The following COL25A1 variants were observed in gnomAD, a reference collection of about 807,000 sequenced individuals.
COL25A1 encodes the protein collagen alpha-1(XXV) chain.
Under a neutral mutation model 128.4 loss-of-function variants are expected in COL25A1, and 103 were observed. The observed-to-expected ratio is 0.80, with a 90% CI of 0.68 to 0.94. The LOEUF (loss-of-function observed/expected upper bound fraction) is 0.94. Among genes scored for constraint, COL25A1 ranks in the 40% least tolerant of loss-of-function variants. COL25A1 has a pLI of 0.00. For synonymous variants in COL25A1, 279 were observed against 277.2 expected (o/e 1.01, Z -0.06); for missense variants, 745 against 840.0 (o/e 0.89, Z 1.40).
chr4:109,011,313 G>A lies in COL25A1; in HGVS notation c.421-938C>T, dbSNP rs541154754. ...AATACAACTCCCAGAGAAGGCCCAG[G>A]AACTGTCTCTCTTAGCCTCTCTCCA... is the stretch of plus-strand genomic sequence containing the variant. On this transcript the variant is annotated intron_variant, in intron 5 of 37. Transcript: ENST00000399132. 8.5e-5 allele frequency among the ~76,000 whole-genome samples: 13 copies of A among 152,252 alleles called. No individual in the cohort carries two copies. In the South Asian group the frequency reaches 2.3e-3, roughly 27 times the overall value.
intron 3 of COL25A1, among the ~76,000 whole-genome samples, chr4:109,190,576 C>G (rs976177256): frequency 2.6e-5 from 4 of 152,080 alleles, no homozygotes; most frequent in South Asian, 2.1e-4. Context: ...TAAAATAAGA[C>G]AGTAGGTTGG....
intron 3 of COL25A1, among the ~76,000 whole-genome samples, chr4:109,060,408 C>T (rs976765617): frequency 6.6e-6 from 1 of 152,110 alleles, no homozygotes; most frequent in Non-Finnish European, 1.5e-5. Flanking sequence ...CACCTCATTG[C>T]CCTCTTGCTA....
chr4:109,034,275 G>A (rs1003031513), intron 5 of COL25A1, among the ~76,000 whole-genome samples: 2 of 152,162 alleles, frequency 1.3e-5, no homozygotes, highest in Admixed American at 1.3e-4. Flanking sequence ...CCTTGATAAT[G>A]AGGACACAAT....
chr4:108,982,104 G>A (rs1364785165), intron 6 of COL25A1, among the ~76,000 whole-genome samples: 2 of 152,184 alleles, frequency 1.3e-5, no homozygotes, highest in African/African-American at 2.4e-5. Context: ...TGAGGCAGGA[G>A]AATCGCTTGA....
chr4:108,916,844 C>T (rs1484718691), intron 13 of COL25A1, among the ~76,000 whole-genome samples: 2 of 152,012 alleles, frequency 1.3e-5, no homozygotes, highest in African/African-American at 2.4e-5. Context: ...TAACTGCTGG[C>T]GAGTGTGCGG....
intron 3 of COL25A1, among the ~76,000 whole-genome samples, chr4:109,225,974 T>G (rs1280549661): frequency 2.0e-5 from 3 of 148,192 alleles, no homozygotes; most frequent in African/African-American, 7.5e-5. Flanking sequence ...TGAAATACAA[T>G]AGTATTCCGT....
intron 3 of COL25A1, among the ~76,000 whole-genome samples, chr4:109,085,605 C>T (rs1764279620): frequency 6.6e-6 from 1 of 152,102 alleles, no homozygotes; most frequent in Non-Finnish European, 1.5e-5. Context: ...TTCCATTGCA[C>T]AAAAAGCCAT....
intron 3 of COL25A1, among the ~76,000 whole-genome samples, chr4:109,262,745 C>T (rs1348582732): frequency 6.6e-6 from 1 of 152,140 alleles, no homozygotes; most frequent in Non-Finnish European, 1.5e-5. Flanking sequence ...TAGTTACACA[C>T]ATTAATATCC....
intron 3 of COL25A1, among the ~76,000 whole-genome samples, chr4:109,173,300 C>A (rs527616020): frequency 1.6e-4 from 24 of 152,198 alleles, no homozygotes; most frequent in African/African-American, 5.5e-4. Flanking sequence ...ATTGTCCAGG[C>A]TGGTCTCAAA....
intron 3 of COL25A1, among the ~76,000 whole-genome samples, chr4:109,084,514 C>G (rs759440025): frequency 2.6e-5 from 4 of 152,188 alleles, no homozygotes; most frequent in African/African-American, 4.8e-5. Flanking sequence ...ACCCAGATGA[C>G]TGAAGCACGT....
At chr4:109,011,298 C>G (rs2126046100) in intron 5 of COL25A1, among the ~76,000 whole-genome samples, 1 of 152,304 alleles carries the variant, frequency 6.6e-6, no homozygotes, top group Non-Finnish European at 1.5e-5. Flanking sequence ...AATACAACTC[C>G]CAGAGAAGGC....
chr4:108,867,894 T>A (rs139047437), intron 20 of COL25A1, among the ~76,000 whole-genome samples: 3,639 of 152,078 alleles, frequency 0.024, 65 homozygotes, highest in Non-Finnish European at 0.039. Context: ...ATATATATAT[T>A]TTTTTGCATG....
intron 3 of COL25A1, among the ~76,000 whole-genome samples, chr4:109,084,403 G>A (rs1764175274): frequency 6.6e-6 from 1 of 151,894 alleles, no homozygotes; most frequent in Non-Finnish European, 1.5e-5. Flanking sequence ...AATGAAGGAA[G>A]CTGCTTATAA....
intron 11 of COL25A1, among the ~76,000 whole-genome samples, chr4:108,936,658 T>C (rs1004034541): frequency 2.0e-5 from 3 of 151,922 alleles, no homozygotes; most frequent in African/African-American, 7.2e-5. Context: ...CAGAATGCTT[T>C]CATTTCACCA....
chr4:109,147,481 TA>T (rs1382597778), intron 3 of COL25A1, among the ~76,000 whole-genome samples: 7 of 152,224 alleles, frequency 4.6e-5, no homozygotes, highest in African/African-American at 1.7e-4. Context: ...TCAGGTTTTT[TA>T]AAAATTCATT....
At chr4:109,240,016 G>A (rs1056817973) in intron 3 of COL25A1, among the ~76,000 whole-genome samples, 1 of 151,950 alleles carries the variant, frequency 6.6e-6, no homozygotes, top group Non-Finnish European at 1.5e-5. Flanking sequence ...AGGTCTTCAG[G>A]GGCAATGACA....
At chr4:109,039,253 T>C (rs3108332) in intron 5 of COL25A1, among the ~76,000 whole-genome samples, 76,864 of 151,842 alleles carry the variant, frequency 0.51, 21,421 homozygotes, top group African/African-American at 0.73. Context: ...CACCCTACTC[T>C]TTTAGCCCTT....
chr4:109,242,975 G>A (rs1021600258), intron 3 of COL25A1, among the ~76,000 whole-genome samples: 1 of 151,940 alleles, frequency 6.6e-6, no homozygotes, highest in Non-Finnish European at 1.5e-5. Flanking sequence ...TAGTAACTAA[G>A]GTTTTCATGC....
Position 108,810,481 on chromosome 4 carries a change from A to AG in COL25A1, c.*3445dup, listed in dbSNP as rs1182020714. 6.6e-6 allele frequency: 1 copy of AG among 152,082 alleles called. No individual in the cohort carries two copies. Among genetic ancestry groups the AG allele is most frequent in the East Asian group, 1.9e-4 (1 of 5,186 alleles). The allele number at this position is 152,082 out of a possible 1,614,324, so 9.4% of individuals were successfully genotyped here. On this transcript the variant is annotated 3_prime_UTR_variant, in exon 38 of 38. Coordinates refer to ENST00000399132, the MANE Select transcript of COL25A1 (RefSeq NM_198721.4). ...CTAATGTCCTCTATAAAATCACATG[A>AG]GAAAAAAAAATCCTCCAAGACTGCT...
Sources: gnomAD v4.1 joint callset for allele counts (sites outside exome capture counted in the v4.1 genomes callset) on GRCh38, gnomAD v4.1.1 for gene constraint, MANE v1.5 for transcripts, NCBI Gene and HGNC (gene_info 2026-07-23, HGNC 2026-07-21) for gene names.